Variants in TTN observed in about 807,000 individuals in gnomAD.
The protein encoded by TTN is connectin.
TTN carries 1,525 observed loss-of-function variants against 3,223.0 expected under a neutral mutation model. The observed-to-expected ratio is 0.47, with a 90% CI of 0.45 to 0.49. The LOEUF is 0.49. Among genes scored for constraint, TTN ranks in the 20% least tolerant of loss-of-function variants. The pLI, the probability that TTN is intolerant of heterozygous loss-of-function variation, is 0.00. For synonymous variants in TTN, 14,094 were observed against 15,161.0 expected (o/e 0.93, Z 5.17); for missense variants, 40,786 against 43,424.0 (o/e 0.94, Z 5.40).
rs149890360 is a variant in TTN, at chr2:178,607,395, C to T, written c.53287+6G>A. ...ATCCTGTGAAAATCAGTGCAACATTCCTTACCAAAAACTTCTACCCTGGCT... is the reference window on the plus strand; with the variant it reads ...ATCCTGTGAAAATCAGTGCAACATTTCTTACCAAAAACTTCTACCCTGGCT... On this transcript the variant is annotated splice_donor_region_variant and intron_variant, in intron 277 of 362. Transcript: ENST00000589042. The T allele has an allele frequency of 6.4e-5, 104 of 1,612,950 alleles. No homozygotes were observed. In the African/African-American group the frequency reaches 1.3e-3, roughly 19 times the overall value.
At position 178,724,389 on chromosome 2, in the gene TTN, A is replaced by G. The variant is rs753725329; in HGVS notation, c.20986T>C (p.Phe6996Leu). Residue 6996 changes from phenylalanine to leucine, a missense_variant, in exon 72 of 363, where the codon TTT (phenylalanine) becomes CTT (leucine). Coordinates refer to ENST00000589042, the MANE Select transcript of TTN (RefSeq NM_001267550.2). ...GAAGAGATTTTGTTGTAGAAGCTAAATTTGTGTTTTTGGCTGCTGGTCAAC... is the reference window on the plus strand; with the variant it reads ...GAAGAGATTTTGTTGTAGAAGCTAAGTTTGTGTTTTTGGCTGCTGGTCAAC... ...KLLTSSQKHK[F>L]SFYNKISSLR... 1.2e-6 allele frequency: 2 copies of G among 1,613,510 alleles called. No homozygotes were observed. Among genetic ancestry groups the G allele is most frequent in the Admixed American group, 1.7e-5 (1 of 59,972 alleles).
At chr2:178,799,933 G>T in intron 4 of TTN, 23 bp from the exon 5 acceptor site, 1 of 1,610,964 alleles carries the variant, frequency 6.2e-7, no homozygotes, top group Non-Finnish European at 8.5e-7. Flanking sequence ...AAAGATGAAT[G>T]TTTGGGAGGG....
rs1709937178 is a variant in TTN, at chr2:178,575,967, C to T, written c.70165G>A (p.Ala23389Thr). 1 of 1,611,434 alleles carries T rather than the reference C, an allele frequency of 6.2e-7. No individual in the cohort carries two copies. Among genetic ancestry groups the T allele is most frequent in the Non-Finnish European group, 8.5e-7 (1 of 1,177,908 alleles). Residue 23389 changes from alanine to threonine, a missense_variant, in exon 326 of 363, where the codon GCC (alanine) becomes ACC (threonine). Transcript: ENST00000589042. This position sits in a 1 kb window ranked among gnomAD's most constrained non-coding sequence, Gnocchi z 4.0. ...AATGATTCCGTATTTTCAATGTTGGCTCGGTTTTTCAGGTTGATGTTATCT... is the reference window on the plus strand; with the variant it reads ...AATGATTCCGTATTTTCAATGTTGGTTCGGTTTTTCAGGTTGATGTTATCT... Reference protein sequence around the residue: ...TKDNINLKNRANIENTESFTL... With the variant: ...TKDNINLKNRTNIENTESFTL...
intron 3 of TTN, 50 bp from the exon 4 acceptor site, chr2:178,800,732 A>G (rs763229093): frequency 6.5e-7 from 1 of 1,538,438 alleles, no homozygotes. Flanking sequence ...GGTGCTCCCT[A>G]CAAGGTATTT....
In TTN at chr2:178,567,818, A is replaced by G; in HGVS notation, c.78314T>C (p.Ile26105Thr). 6.2e-7 allele frequency: 1 copy of G among 1,613,498 alleles called. No homozygotes were observed. The highest frequency in any genetic ancestry group is 8.5e-7 in the Non-Finnish European group (1 of 1,179,598). Reference protein sequence around the residue: ...PEPIMVKRNEITLQWTKPVYD... With the variant: ...PEPIMVKRNETTLQWTKPVYD... ...CACAGGTTTGGTCCACTGTAAAGTGATTTCATTTCTTTTAACCATTATTGG... is the reference window on the plus strand; with the variant it reads ...CACAGGTTTGGTCCACTGTAAAGTGGTTTCATTTCTTTTAACCATTATTGG... The change falls in exon 326 of 363, where the codon ATC becomes ACC. Residue 26105 changes from isoleucine to threonine, a missense_variant. Coordinates refer to ENST00000589042, the MANE Select transcript of TTN (RefSeq NM_001267550.2).
chr2:178,669,300 C>T, intron 159 of TTN, 73 bp downstream of exon 159: 1 of 1,263,102 alleles, frequency 7.9e-7, no homozygotes, highest in South Asian at 1.4e-5. Context: ...CTTTTCAAAG[C>T]TAAAAAGACA....
intron 48 of TTN, among the ~76,000 whole-genome samples, chr2:178,738,782 A>G (rs1265808616): frequency 1.3e-5 from 2 of 152,182 alleles, no homozygotes; most frequent in African/African-American, 4.8e-5. Flanking sequence ...TTTTAAATCT[A>G]AGGGTGAGAC....
chr2:178,678,411 T>C lies in TTN; in HGVS notation c.33910+3A>G, dbSNP rs2068584627. The C allele has an allele frequency of 6.3e-7, 1 of 1,581,910 alleles. No individual in the cohort carries two copies. ...AAGTACTCTAAGTGATGAAATTATG[T>C]ACCTTTTGCAGGTGGAGCCTCCACT... On this transcript the variant is annotated splice_donor_region_variant and intron_variant, in intron 144 of 362. Coordinates refer to ENST00000589042, the MANE Select transcript of TTN (RefSeq NM_001267550.2).
In TTN at chr2:178,735,497, C is replaced by A; in HGVS notation, c.14935+14G>T. ...CAGAGAAGGGACTAGAAAATACATT[C>A]ACACGTTTCTTACCTCTGACAGTGA... is the stretch of plus-strand genomic sequence containing the variant. On this transcript the variant is annotated intron_variant, in intron 50 of 362. Coordinates refer to ENST00000589042, the MANE Select transcript of TTN (RefSeq NM_001267550.2). 6.5e-7 allele frequency: 1 copy of A among 1,540,836 alleles called. No homozygotes were observed. Among genetic ancestry groups the A allele is most frequent in the South Asian group, 1.3e-5 (1 of 75,766 alleles).
Position 178,770,623 on chromosome 2 carries a change from A to T in TTN, c.8169T>A (p.Asp2723Glu). Residue 2723 changes from aspartate (D) to glutamate (E), a missense_variant, in exon 35 of 363, where the codon GAT becomes GAA. By Grantham distance (45) the Asp-to-Glu change is conservative. Transcript: ENST00000589042. ...LKNLTVTETQ[D>E]AVFTVELTHP... is the part of the protein sequence containing the mutation. ...GTGTAAGCTCGACAGTGAAAACAGC[A>T]TCCTGTGTTTCTGTCACTGTGAGGT... The T allele has an allele frequency of 6.2e-7, 1 of 1,614,094 alleles. No homozygotes were observed.
rs746033038 is a variant in TTN at position 178,802,223 on chromosome 2, C to A, written c.210G>T (p.Val70=). The A allele has an allele frequency of 7.4e-6, 12 of 1,614,158 alleles. No individual in the cohort carries two copies. The highest frequency in any genetic ancestry group is 1.6e-4 in the Middle Eastern group (1 of 6,062). Residue 70 remains valine, a synonymous_variant, in exon 3 of 363, where the codon GTG becomes GTT. Transcript: ENST00000589042. ...AATATCGTCCACTGTTGGCTTTAGT[C>A]ACGGCGGGGATCGTCAGTTTAGCGC... ...DGRAKLTIPA[V]TKANSGRYSL...
chr2:178,667,316 G>A lies in TTN; in HGVS notation c.35717C>T (p.Pro11906Leu). 1 of 1,599,474 alleles carries A rather than the reference G, an allele frequency of 6.3e-7. No homozygotes were observed. ...KKRETPATKE[P>L]DTTRGIFPEV... ...TGGAAAAATGCCTCTGGTTGTATCA[G>A]GTTCTTTAAAGATATTAGTAGGTTT... is the stretch of plus-strand genomic sequence containing the variant. The change falls in exon 162 of 363, where the codon CCT (proline) becomes CTT (leucine). Residue 11906 changes from proline (P) to leucine (L), a missense_variant. Physicochemically the swap from Pro to Leu is moderately conservative, Grantham distance 98. Coordinates refer to ENST00000589042, the MANE Select transcript of TTN (RefSeq NM_001267550.2).
chr2:178,799,778 G>A (rs769698216), intron 5 of TTN, 47 bp from the exon 6 acceptor site: 2 of 1,614,166 alleles, frequency 1.2e-6, no homozygotes, highest in African/African-American at 1.3e-5. Context: ...AATAGCTGGG[G>A]ACGCAACAGC....
rs1035580252 is a variant in TTN, at chr2:178,766,492, C to T, written c.9592G>A (p.Val3198Met). 1 of 1,614,106 alleles carries T rather than the reference C, an allele frequency of 6.2e-7. No individual in the cohort carries two copies. Among genetic ancestry groups the T allele is most frequent in the African/African-American group, 1.3e-5 (1 of 75,040 alleles). ...AACATTCGGTGGATTCTTCTTTCCA[C>T]TACATATTTGTGTCGTTCTTGAACT... ...FQVQERHKYV[V>M]ERRIHRMFIS... Residue 3198 changes from valine (V) to methionine (M), a missense_variant, in exon 41 of 363, where the codon GTG becomes ATG. By Grantham distance (21) the Val-to-Met change is conservative. Coordinates refer to ENST00000589042, the MANE Select transcript of TTN (RefSeq NM_001267550.2).
Position 178,534,195 on chromosome 2 carries a change from C to A in TTN, c.102420G>T (p.Gly34140=), listed in dbSNP as rs1430552237. ...VASIEIGPVS[G]QIMHAVGEEG... ...CTTCACCAACTGCATGCATTATCTG[C>A]CCAGAAACTGGGCCAATTTCAATGG... The change falls in exon 358 of 363, where the codon GGG becomes GGT. Residue 34140 remains glycine, a synonymous_variant. Transcript: ENST00000589042. The A allele has an allele frequency of 1.9e-6, 3 of 1,613,940 alleles. No individual in the cohort carries two copies. In the South Asian group the frequency reaches 3.3e-5, roughly 18 times the overall value.
intron 43 of TTN, among the ~76,000 whole-genome samples, chr2:178,759,422 G>A (rs1240629858): frequency 6.6e-6 from 1 of 152,150 alleles, no homozygotes; most frequent in Non-Finnish European, 1.5e-5. Context: ...TAAAATGATA[G>A]AACTTCAGTT....
rs1203126727 is a variant in TTN at position 178,577,109 on chromosome 2, T to C, written c.69226A>G (p.Ile23076Val). 12 of 1,613,240 alleles carry C rather than the reference T, an allele frequency of 7.4e-6. No homozygotes were observed. Among genetic ancestry groups the C allele is most frequent in the Non-Finnish European group, 1.0e-5 (12 of 1,179,522 alleles). ...CGGCTGGTTTCTCTCTTTTCAAGTA[T>C]ATAGGACTTAATTGGTGAGCCGCCA... ...EDGGSPIKSY[I>V]LEKRETSRLL... Residue 23076 changes from isoleucine (I) to valine (V), a missense_variant, in exon 324 of 363, where the codon ATA (isoleucine) becomes GTA (valine). Physicochemically the swap from Ile to Val is conservative, Grantham distance 29. Coordinates refer to ENST00000589042, the MANE Select transcript of TTN (RefSeq NM_001267550.2).
chr2:178,651,403 A>C (rs1252065751), intron 207 of TTN, 50 bp downstream of exon 207: 1 of 1,599,918 alleles, frequency 6.3e-7, no homozygotes, highest in Non-Finnish European at 8.5e-7. Flanking sequence ...ACCCTTTTAG[A>C]AGCTGGGGGC....
chr2:178,767,704 T>C, intron 40 of TTN, 55 bp downstream of exon 40: 2 of 1,599,336 alleles, frequency 1.3e-6, no homozygotes, highest in Non-Finnish European at 1.7e-6. Context: ...AAATATAAAA[T>C]GATAGATTAT....
Sources: gnomAD v4.1 joint callset for allele counts (sites outside exome capture counted in the v4.1 genomes callset) on GRCh38, gnomAD v4.1.1 for gene constraint, Gnocchi (gnomAD v3.1) non-coding constraint, MANE v1.5 for transcripts, NCBI Gene and HGNC (gene_info 2026-07-23, HGNC 2026-07-21) for gene names.